Variants in FAM234A observed in about 807,000 individuals in gnomAD.
FAM234A encodes family with sequence similarity 234 member A.
FAM234A carries 42 observed loss-of-function variants against 49.1 expected under a neutral mutation model. The ratio of observed to expected loss-of-function variants is 0.86; its 90% CI spans 0.67 to 1.11. The LOEUF is 1.11. Among genes scored for constraint, FAM234A ranks in the 50% least tolerant of loss-of-function variants. The pLI is 0.00. For synonymous variants in FAM234A, 369 were observed against 316.2 expected (o/e 1.17, Z -1.77); for missense variants, 815 against 745.2 (o/e 1.09, Z -1.09).
chr16:262,714 T>C (rs2141356409), intron 8 of FAM234A, among the ~76,000 whole-genome samples, 161 bp downstream of exon 8: 1 of 151,926 alleles, frequency 6.6e-6, no homozygotes, highest in East Asian at 1.9e-4. Flanking sequence ...ATGTGAGAAA[T>C]GGTCAAATAA....
intron 1 of FAM234A, among the ~76,000 whole-genome samples, chr16:235,822 A>C (rs1425462361): frequency 6.6e-6 from 1 of 152,142 alleles, no homozygotes; most frequent in Non-Finnish European, 1.5e-5. Flanking sequence ...CTTCTATTCT[A>C]CTGGAGGGTA....
In FAM234A at chr16:265,286, C is replaced by T. The variant is rs185641488; in HGVS notation, c.*264C>T. 49 of 1,291,120 alleles carry T rather than the reference C, an allele frequency of 3.8e-5. No homozygotes were observed. The Admixed American group carries it at 9.9e-4, about 26-fold the overall frequency. The allele number at this position is 1,291,120 out of a possible 1,614,324, so 80.0% of individuals were successfully genotyped here. A position where few individuals can be genotyped will look rare whatever the true frequency, so the allele number is the denominator to read the frequency against. On this transcript the variant is annotated 3_prime_UTR_variant, in exon 13 of 13. Transcript: ENST00000399932. ...CTCACTCTGCACCCCACCAGGGTCC[C>T]GCTCACACCAGGCAGCCTTCATAGT...
downstream of FAM234A, chr16:268,827 C>T (rs759918872): frequency 8.4e-6 from 13 of 1,550,288 alleles, no homozygotes; most frequent in South Asian, 1.2e-5. Flanking sequence ...GAGCTCGCGC[C>T]GAGACCTGCA....
At position 262,431 on chromosome 16, in the gene FAM234A, C is replaced by T. The variant is rs1281372822; in HGVS notation, c.849C>T (p.Ser283=). The T allele has an allele frequency of 6.2e-7, 1 of 1,601,210 alleles. No individual in the cohort carries two copies. Among genetic ancestry groups the T allele is most frequent in the Non-Finnish European group, 8.5e-7 (1 of 1,173,210 alleles). The part of the protein sequence containing the change: ...AHYILFPCAS[S]LCGCSVKGLY... ...CTTCTGTGTTTTGAATAGCAAGCTC[C>T]CTCTGCGGCTGCTCTGTGAAGGGTC... is the stretch of plus-strand genomic sequence containing the variant. Residue 283 remains serine (S), a synonymous_variant, in exon 8 of 13, where the codon TCC becomes TCT. Coordinates refer to ENST00000399932, the MANE Select transcript of FAM234A (RefSeq NM_032039.4).
At chr16:267,943 TCA>T (rs1284439347), downstream of FAM234A, among the ~76,000 whole-genome samples, 72 of 144,202 alleles carry the variant, frequency 5.0e-4, no homozygotes, top group African/African-American at 1.6e-3. Flanking sequence ...CTACACACAA[TCA>T]CACATGCTAT....
chr16:257,006 T>G (rs1355424532), intron 3 of FAM234A, among the ~76,000 whole-genome samples: 1 of 151,838 alleles, frequency 6.6e-6, no homozygotes, highest in Non-Finnish European at 1.5e-5. Flanking sequence ...CATCCCAAAG[T>G]GCTGGGATTA....
At chr16:264,374 C>T (rs148499142) in intron 11 of FAM234A, among the ~76,000 whole-genome samples, 30 of 152,316 alleles carry the variant, frequency 2.0e-4, no homozygotes, top group African/African-American at 5.3e-4. Flanking sequence ...TGATGGCCTT[C>T]GGTGGATAGG....
chr16:258,323 C>T (rs1372451605), intron 3 of FAM234A, among the ~76,000 whole-genome samples: 2 of 152,160 alleles, frequency 1.3e-5, no homozygotes, highest in African/African-American at 4.8e-5. Flanking sequence ...GTTTGCGTCC[C>T]TGGGTACTTG....
intron 2 of FAM234A, 27 bp from the exon 3 acceptor site, chr16:254,354 C>A: frequency 6.3e-7 from 1 of 1,587,202 alleles, no homozygotes. Flanking sequence ...CTGCTGGCCT[C>A]GCCGACCTCT....
chr16:247,578 C>G (rs928349213), intron 1 of FAM234A, among the ~76,000 whole-genome samples: 2 of 151,710 alleles, frequency 1.3e-5, no homozygotes, highest in Non-Finnish European at 2.9e-5. Flanking sequence ...GATTAAGGTG[C>G]CCGCCACCAC....
chr16:258,376 C>G (rs1183510375), intron 3 of FAM234A, among the ~76,000 whole-genome samples: 1 of 152,154 alleles, frequency 6.6e-6, no homozygotes, highest in South Asian at 2.1e-4. Flanking sequence ...ATGCTGCCTT[C>G]AAGCATCTGT....
At chr16:248,957 A>T (rs1295097065) in intron 1 of FAM234A, among the ~76,000 whole-genome samples, 2 of 152,086 alleles carry the variant, frequency 1.3e-5, no homozygotes, top group East Asian at 3.9e-4. Flanking sequence ...CTGATTTTTT[A>T]AAATTATAAA....
chr16:245,599 C>G (rs1291742412), intron 1 of FAM234A, among the ~76,000 whole-genome samples: 2 of 151,710 alleles, frequency 1.3e-5, no homozygotes, highest in African/African-American at 4.8e-5. Context: ...TTCCCTGGGC[C>G]ACGTTGGAAG....
chr16:269,535 T>C, downstream of FAM234A: 1 of 1,613,420 alleles, frequency 6.2e-7, no homozygotes, highest in Admixed American at 1.7e-5. Flanking sequence ...TCCCAGCCTC[T>C]GCCAGGAGGG....
chr16:251,241 C>T (rs2050993049), intron 2 of FAM234A, among the ~76,000 whole-genome samples: 1 of 152,216 alleles, frequency 6.6e-6, no homozygotes, highest in Non-Finnish European at 1.5e-5. Context: ...CAGGCGTGAG[C>T]CACTGCGCCC....
At chr16:255,732 C>T (rs59752918) in intron 3 of FAM234A, among the ~76,000 whole-genome samples, 1 of 152,170 alleles carries the variant, frequency 6.6e-6, no homozygotes, top group East Asian at 1.9e-4. Context: ...GGCACAATCT[C>T]CGCTCATCTC....
intron 2 of FAM234A, among the ~76,000 whole-genome samples, chr16:250,118 A>G (rs2050948407): frequency 6.6e-6 from 1 of 152,158 alleles, no homozygotes; most frequent in African/African-American, 2.4e-5. Flanking sequence ...TTCTTAGTAG[A>G]GACGGGGTTT....
chr16:268,862 T>C, downstream of FAM234A: 1 of 1,550,250 alleles, frequency 6.5e-7, no homozygotes, highest in African/African-American at 1.4e-5. Context: ...GACGGGTGTG[T>C]GGGAAGCCGC....
In FAM234A at chr16:261,418, C is replaced by T. The variant is rs375356087; in HGVS notation, c.612C>T (p.Ser204=). The T allele has an allele frequency of 7.6e-5, 123 of 1,612,890 alleles. No individual in the cohort carries two copies. The highest frequency in any genetic ancestry group is 3.3e-5 in the Admixed American group (2 of 59,974). ...TGTGGAACCACAGCAGCAGCTTCAG[C>T]GGGAATGCGTCCATCCTGAGCCCTC... The part of the protein sequence containing the change: ...ETLWNHSSSF[S]GNASILSPLL... Residue 204 remains serine (S), a synonymous_variant, in exon 6 of 13, where the codon AGC becomes AGT. Coordinates refer to ENST00000399932, the MANE Select transcript of FAM234A (RefSeq NM_032039.4).
Sources: allele counts gnomAD v4.1 joint callset (sites outside exome capture counted in the v4.1 genomes callset), GRCh38; gene constraint gnomAD v4.1.1; transcripts MANE v1.5; gene names NCBI Gene and HGNC (gene_info 2026-07-23, HGNC 2026-07-21).